PTPRG: variants seen among roughly 807,000 people sequenced by gnomAD.
The protein encoded by PTPRG is receptor-type tyrosine-protein phosphatase gamma.
Under a neutral mutation model 165.3 loss-of-function variants are expected in PTPRG, and 102 were observed. The observed-to-expected ratio is 0.62, with a 90% CI of 0.53 to 0.73. PTPRG has a LOEUF of 0.73. Among genes scored for constraint, PTPRG ranks in the 30% least tolerant of loss-of-function variants. The pLI is 0.00. For missense variants in PTPRG, 1,866 were observed against 1,861.4 expected, an observed-to-expected ratio of 1.00 and a Z score of -0.05; for synonymous variants, 675 against 669.5, an observed-to-expected ratio of 1.01 and a Z score of -0.13.
At chr3:62,180,124 A>C (rs908208788) in intron 8 of PTPRG, among the ~76,000 whole-genome samples, 4 of 152,210 alleles carry the variant, frequency 2.6e-5, no homozygotes, top group Non-Finnish European at 4.4e-5. Context: ...TTTGCATCAT[A>C]ATAATCTAGA....
At chr3:61,949,934 G>T (rs1036953520) in intron 2 of PTPRG, among the ~76,000 whole-genome samples, 1 of 152,028 alleles carries the variant, frequency 6.6e-6, no homozygotes, top group African/African-American at 2.4e-5. Flanking sequence ...TTTTAGTAGA[G>T]ACTGGATTTC....
intron 28 of PTPRG, among the ~76,000 whole-genome samples, chr3:62,285,365 T>C (rs541006772): frequency 6.6e-6 from 1 of 152,244 alleles, no homozygotes; most frequent in East Asian, 1.9e-4. Context: ...GTTTTTAAGC[T>C]CTGTCAAAAG....
At chr3:61,853,268 C>T (rs1215708336) in intron 2 of PTPRG, among the ~76,000 whole-genome samples, 1 of 152,196 alleles carries the variant, frequency 6.6e-6, no homozygotes, top group African/African-American at 2.4e-5. Flanking sequence ...TCCAGGTATT[C>T]ACACCCTTTT....
At chr3:62,151,028 A>T (rs1038699053) in intron 6 of PTPRG, among the ~76,000 whole-genome samples, 3 of 152,238 alleles carry the variant, frequency 2.0e-5, no homozygotes, top group Non-Finnish European at 2.9e-5. Flanking sequence ...AAGAAATGCA[A>T]TCAATCAGCT....
At chr3:62,204,098 G>A in intron 12 of PTPRG, 148 bp downstream of exon 12, 1 of 1,324,886 alleles carries the variant, frequency 7.5e-7, no homozygotes, top group Non-Finnish European at 9.9e-7. Flanking sequence ...GTGCACACAT[G>A]TGAAATGTGT....
At chr3:62,231,551 G>T (rs893111781) in intron 14 of PTPRG, among the ~76,000 whole-genome samples, 5 of 152,006 alleles carry the variant, frequency 3.3e-5, no homozygotes, top group African/African-American at 9.7e-5. Context: ...AGTTTTGGGG[G>T]TGTTATTTGT....
At chr3:61,860,585 C>T (rs2037236809) in intron 2 of PTPRG, among the ~76,000 whole-genome samples, 1 of 151,688 alleles carries the variant, frequency 6.6e-6, no homozygotes. Flanking sequence ...GGATTACAGG[C>T]ACGCACCAGC....
chr3:61,561,959 G>A lies in PTPRG; in HGVS notation c.-329G>A, dbSNP rs1415623900. ...CTCGCCGCCGCCGCCCGCGGTCCCT[G>A]CCTGCCCCAGGCCCGGGGCATCGCC... On this transcript the variant is annotated 5_prime_UTR_variant, in exon 1 of 30. Transcript: ENST00000474889. The A allele has an allele frequency of 2.0e-5, 4 of 201,202 alleles. No homozygotes were observed. Among genetic ancestry groups the A allele is most frequent in the Non-Finnish European group, 3.9e-5 (4 of 101,496 alleles). 12.5% of individuals were successfully genotyped at this position (201,202 alleles called of 1,614,324 possible). A position where few individuals can be genotyped will look rare whatever the true frequency, so the allele number is the denominator to read the frequency against.
At chr3:61,734,004 C>T (rs1278090920) in intron 1 of PTPRG, among the ~76,000 whole-genome samples, 1 of 152,092 alleles carries the variant, frequency 6.6e-6, no homozygotes, top group Non-Finnish European at 1.5e-5. Flanking sequence ...TCATGTTTCC[C>T]AAGCTGAGCT....
chr3:61,900,323 T>G (rs1178030184), intron 2 of PTPRG, among the ~76,000 whole-genome samples: 1 of 152,220 alleles, frequency 6.6e-6, no homozygotes, highest in Non-Finnish European at 1.5e-5. Flanking sequence ...GAGAATTTAA[T>G]TAGAAAAATA....
At chr3:61,957,455 C>G (rs1024390274) in intron 2 of PTPRG, among the ~76,000 whole-genome samples, 1 of 152,240 alleles carries the variant, frequency 6.6e-6, no homozygotes, top group African/African-American at 2.4e-5. Flanking sequence ...ATGCACTGTG[C>G]TGTATAATGT....
At chr3:61,964,341 G>A (rs188355890) in intron 2 of PTPRG, among the ~76,000 whole-genome samples, 7 of 152,280 alleles carry the variant, frequency 4.6e-5, no homozygotes, top group African/African-American at 1.7e-4. Flanking sequence ...TGTGAATGAG[G>A]CGGGAAACGT....
chr3:61,797,589 C>A (rs1419703268), intron 2 of PTPRG, among the ~76,000 whole-genome samples: 6 of 106,650 alleles, frequency 5.6e-5, no homozygotes, highest in South Asian at 6.5e-4. Flanking sequence ...ACACCCCCCC[C>A]CACCCCCCCA....
intron 2 of PTPRG, among the ~76,000 whole-genome samples, chr3:61,934,256 C>T (rs761071772): frequency 6.6e-6 from 1 of 152,186 alleles, no homozygotes; most frequent in Non-Finnish European, 1.5e-5. Context: ...ACTGCATATT[C>T]TGGTGTATGT....
At chr3:61,705,926 C>T (rs925064760) in intron 1 of PTPRG, among the ~76,000 whole-genome samples, 9 of 152,142 alleles carry the variant, frequency 5.9e-5, no homozygotes, top group East Asian at 1.9e-4. Context: ...AAGCATACTC[C>T]GATTTCCCCT....
At chr3:62,088,563 G>A (rs924134480) in intron 5 of PTPRG, among the ~76,000 whole-genome samples, 1 of 152,142 alleles carries the variant, frequency 6.6e-6, no homozygotes, top group Admixed American at 6.6e-5. Flanking sequence ...GTTTACCTCC[G>A]CCCTGTTAAA....
At chr3:61,811,069 A>G (rs2035559631) in intron 2 of PTPRG, among the ~76,000 whole-genome samples, 1 of 152,206 alleles carries the variant, frequency 6.6e-6, no homozygotes. Context: ...GTCATAGCCC[A>G]GCAGCCCCTT....
At chr3:62,005,594 C>T (rs964224289) in intron 4 of PTPRG, among the ~76,000 whole-genome samples, 1 of 151,834 alleles carries the variant, frequency 6.6e-6, no homozygotes, top group Admixed American at 6.6e-5. Context: ...GAACTGGGAA[C>T]CTTGCCTCTG....
In PTPRG at chr3:61,925,045, C is replaced by T. The variant is rs533523953; in HGVS notation, c.191-64580C>T. Among the ~76,000 whole-genome samples, 73 of 152,130 alleles carry T rather than the reference C, an allele frequency of 4.8e-4. No individual in the cohort carries two copies. The South Asian group carries it at 0.013, about 28-fold the overall frequency. ...AACACACTGGTCCCCTGATTTTGGA[C>T]TTCCTAGCCTCCAGAACTGTGAGAA... On this transcript the variant is annotated intron_variant, in intron 2 of 29. Coordinates refer to ENST00000474889, the MANE Select transcript of PTPRG (RefSeq NM_002841.4).
Sources: gnomAD v4.1 joint callset for allele counts (sites outside exome capture counted in the v4.1 genomes callset) on GRCh38, gnomAD v4.1.1 for gene constraint, MANE v1.5 for transcripts, NCBI Gene and HGNC (gene_info 2026-07-23, HGNC 2026-07-21) for gene names.